The following CLSTN2 variants were observed in gnomAD, a reference collection of about 807,000 sequenced individuals.
CLSTN2 encodes calsyntenin-2.
CLSTN2 carries 48 observed loss-of-function variants against 101.2 expected under a neutral mutation model. The observed-to-expected ratio is 0.47, with a 90% confidence interval of 0.38 to 0.60. CLSTN2 has a LOEUF of 0.60. Ranked by LOEUF, CLSTN2 falls within the 20% of genes least tolerant of loss-of-function variation. CLSTN2 has a pLI of 0.00. For synonymous variants in CLSTN2, 481 were observed against 463.6 expected, an observed-to-expected ratio of 1.04 and a Z score of -0.48; for missense variants, 1,160 against 1,238.2, an observed-to-expected ratio of 0.94 and a Z score of 0.95.
At chr3:139,984,361 A>T (rs1935987126) in intron 1 of CLSTN2, among the ~76,000 whole-genome samples, 1 of 152,166 alleles carries the variant, frequency 6.6e-6, no homozygotes, top group African/African-American at 2.4e-5. Context: ...TACCAGAAAG[A>T]GGTACATCTA....
chr3:140,457,825 T>G (rs1293154173), intron 6 of CLSTN2, among the ~76,000 whole-genome samples: 1 of 152,220 alleles, frequency 6.6e-6, no homozygotes, highest in Non-Finnish European at 1.5e-5. Flanking sequence ...AATACTCATG[T>G]AAATGATGCC....
At chr3:140,331,514 A>G (rs1371315471) in intron 2 of CLSTN2, among the ~76,000 whole-genome samples, 1 of 152,208 alleles carries the variant, frequency 6.6e-6, no homozygotes, top group East Asian at 1.9e-4. Flanking sequence ...TGCATCTACC[A>G]AAACAAAAGA....
intron 5 of CLSTN2, among the ~76,000 whole-genome samples, chr3:140,445,187 T>C (rs554227766): frequency 6.6e-6 from 1 of 152,330 alleles, no homozygotes; most frequent in East Asian, 1.9e-4. Context: ...GGCCCTGCCC[T>C]GCCAGCTAGG....
rs1165522955 is a variant in CLSTN2, at chr3:140,305,054, ACTCT to A, written c.233-98560_233-98557del. The stretch of plus-strand genomic sequence containing the variant: ...CACACACACACACACACACACACAC[ACTCT>A]CTCTCTCTCTCTCTGTCTCTCTTTC... On this transcript the variant is annotated intron_variant, in intron 2 of 16. Coordinates refer to ENST00000458420, the MANE Select transcript of CLSTN2 (RefSeq NM_022131.3). 3.8e-4 allele frequency among the ~76,000 whole-genome samples: 45 copies of A among 118,234 alleles called. No individual in the cohort carries two copies. In the East Asian group the frequency reaches 3.8e-3, roughly 10 times the overall value. 77.6% of individuals were successfully genotyped at this position (118,234 alleles called of 152,430 possible).
chr3:140,374,739 G>A lies in CLSTN2; in HGVS notation c.233-28890G>A, dbSNP rs868480444. The stretch of plus-strand genomic sequence containing the variant: ...TAAATGAAATCAGCAATTTTGTTAA[G>A]TAGATACCTGTTCTTTCTGAGCCTA... On this transcript the variant is annotated intron_variant, in intron 2 of 16. Coordinates refer to ENST00000458420, the MANE Select transcript of CLSTN2 (RefSeq NM_022131.3). Among the ~76,000 whole-genome samples, 67 of 152,310 alleles carry A rather than the reference G, an allele frequency of 4.4e-4. 2 individuals are homozygous for A. Among genetic ancestry groups the A allele is most frequent in the Non-Finnish European group, 5.7e-4 (39 of 68,024 alleles).
At chr3:140,454,046 A>G (rs1248461091) in intron 6 of CLSTN2, among the ~76,000 whole-genome samples, 6 of 152,220 alleles carry the variant, frequency 3.9e-5, no homozygotes, top group African/African-American at 1.2e-4. Flanking sequence ...TCGCAGAGAG[A>G]TGAAGTGGGC....
At position 140,194,219 on chromosome 3, in the gene CLSTN2, G is replaced by A. The variant is rs149521693; in HGVS notation, c.232+18146G>A. On this transcript the variant is annotated intron_variant, in intron 2 of 16. Coordinates refer to ENST00000458420, the MANE Select transcript of CLSTN2 (RefSeq NM_022131.3). ...GGAGTTTGAGAAGTCCAAGATCAAG[G>A]TGCTGTCAGTGCCTGGTGAGGGCTC... Among the ~76,000 whole-genome samples, 94 of 152,212 alleles carry A rather than the reference G, an allele frequency of 6.2e-4. No homozygotes were observed. In the East Asian group the frequency reaches 0.016, roughly 26 times the overall value.
chr3:139,960,246 T>C (rs1232714738), intron 1 of CLSTN2, among the ~76,000 whole-genome samples: 1 of 152,248 alleles, frequency 6.6e-6, no homozygotes, highest in Admixed American at 6.5e-5. Context: ...AATTTGTTCC[T>C]GTGAGGTGAG....
intron 8 of CLSTN2, among the ~76,000 whole-genome samples, chr3:140,497,367 T>C (rs1328556242): frequency 1.3e-5 from 2 of 152,252 alleles, no homozygotes; most frequent in Non-Finnish European, 2.9e-5. Context: ...GAGGGATGGA[T>C]TGGGGGTCCC....
In CLSTN2 at chr3:139,935,402, C is replaced by T; in HGVS notation, c.28C>T (p.Pro10Ser). 2 of 1,230,440 alleles carry T rather than the reference C, an allele frequency of 1.6e-6. No individual in the cohort carries two copies. Among genetic ancestry groups the T allele is most frequent in the Non-Finnish European group, 2.0e-6 (2 of 986,890 alleles). 76.2% of individuals were successfully genotyped at this position (1,230,440 alleles called of 1,614,324 possible). Residue 10 changes from proline to serine, a missense_variant, in exon 1 of 17, where the codon CCG (proline) becomes TCG (serine). By Grantham distance (74) the Pro-to-Ser change is moderately conservative. Transcript: ENST00000458420. The surrounding 1 kb of genome is among the most constrained non-coding windows in gnomAD (Gnocchi z 5.5). ...GCTGCCTGGGCGGCTGTGCTGGGTG[C>T]CGCTCCTGCTGGCGCTGGGCGTGGG... MLPGRLCWV[P>S]LLLALGVGSG...
intron 4 of CLSTN2, among the ~76,000 whole-genome samples, chr3:140,413,323 G>A (rs920128111): frequency 6.6e-6 from 1 of 152,106 alleles, no homozygotes; most frequent in African/African-American, 2.4e-5. Flanking sequence ...CTAAGGACAT[G>A]CAACCTTCCA....
chr3:140,318,669 G>C (rs370306057), intron 2 of CLSTN2, among the ~76,000 whole-genome samples: 43 of 152,256 alleles, frequency 2.8e-4, no homozygotes, highest in African/African-American at 1.0e-3. Context: ...TAGAGTTCTA[G>C]GTACTTACCG....
chr3:140,371,463 C>T (rs2087856106), intron 2 of CLSTN2, among the ~76,000 whole-genome samples: 1 of 152,162 alleles, frequency 6.6e-6, no homozygotes, highest in Non-Finnish European at 1.5e-5. Context: ...GCACACCCAA[C>T]CCTGACCTTC....
At chr3:140,427,201 A>ATGTG (rs1559866696) in intron 5 of CLSTN2, among the ~76,000 whole-genome samples, 1 of 102,010 alleles carries the variant, frequency 9.8e-6, no homozygotes, top group African/African-American at 5.8e-5. Context: ...ATATATATAT[A>ATGTG]TATGTGTATA....
chr3:139,943,775 A>G (rs969513406), intron 1 of CLSTN2, among the ~76,000 whole-genome samples: 1 of 152,058 alleles, frequency 6.6e-6, no homozygotes, highest in Non-Finnish European at 1.5e-5. Flanking sequence ...CCCACCTCCA[A>G]CCTCTCCCAT....
chr3:140,103,237 T>G (rs151213530), intron 1 of CLSTN2, among the ~76,000 whole-genome samples: 32 of 152,200 alleles, frequency 2.1e-4, no homozygotes, highest in Non-Finnish European at 3.4e-4. Flanking sequence ...GATGAGAGGC[T>G]GGGCTGTATC....
intron 2 of CLSTN2, among the ~76,000 whole-genome samples, chr3:140,200,017 G>T (rs376709904): frequency 1.5e-4 from 23 of 152,306 alleles, no homozygotes; most frequent in African/African-American, 4.1e-4. Context: ...AAAAGCAGCT[G>T]GTGGCTCGCT....
intron 1 of CLSTN2, among the ~76,000 whole-genome samples, chr3:140,022,265 G>A (rs1381515069): frequency 6.6e-6 from 1 of 152,196 alleles, no homozygotes; most frequent in African/African-American, 2.4e-5. Context: ...GGGGTGAGGA[G>A]GGAAGAAATA....
At chr3:140,347,687 C>A (rs182146299) in intron 2 of CLSTN2, among the ~76,000 whole-genome samples, 1 of 152,060 alleles carries the variant, frequency 6.6e-6, no homozygotes, top group African/African-American at 2.4e-5. Context: ...GTTAATGGGT[C>A]GATTGTGTGT....
Sources: gnomAD v4.1 joint callset for allele counts (sites outside exome capture counted in the v4.1 genomes callset) on GRCh38, gnomAD v4.1.1 for gene constraint, Gnocchi (gnomAD v3.1) non-coding constraint, MANE v1.5 for transcripts, NCBI Gene and HGNC (gene_info 2026-07-23, HGNC 2026-07-21) for gene names.